MSH3: variants seen among roughly 807,000 people sequenced by gnomAD.
MSH3 encodes mutS homolog 3, also known as DNA mismatch repair protein Msh3.
In MSH3, 106 loss-of-function variants were observed where a neutral mutation model predicts 123.3. That is an observed-to-expected ratio of 0.86 (90% confidence interval 0.73 to 1.01). The LOEUF (loss-of-function observed/expected upper bound fraction) is 1.01, where lower values mean the gene tolerates loss of function less well. Ranked by LOEUF, MSH3 falls within the 50% of genes least tolerant of loss-of-function variation. The pLI is 0.00. For missense variants in MSH3, 1,459 were observed against 1,347.6 expected, an observed-to-expected ratio of 1.08 and a Z score of -1.29; for synonymous variants, 515 against 481.4, an observed-to-expected ratio of 1.07 and a Z score of -0.91.
chr5:80,678,239 A>G (rs1373264852), intron 7 of MSH3, among the ~76,000 whole-genome samples: 37 of 152,300 alleles, frequency 2.4e-4, no homozygotes, highest in Middle Eastern at 3.4e-3. Flanking sequence ...ACTCTACTCC[A>G]TTGTCACTCT....
intron 6 of MSH3, among the ~76,000 whole-genome samples, chr5:80,674,523 G>A (rs1561437851): frequency 6.6e-6 from 1 of 152,112 alleles, no homozygotes; most frequent in Non-Finnish European, 1.5e-5. Context: ...TGATGAAGTG[G>A]GTTGATATTT....
intron 12 of MSH3, among the ~76,000 whole-genome samples, chr5:80,753,807 C>T (rs245011): frequency 0.35 from 52,701 of 151,892 alleles, 9,324 homozygotes; most frequent in East Asian, 0.59. Flanking sequence ...TAGCTTCCAA[C>T]GTCATCTTGA....
chr5:80,815,385 A>G (rs1745082107), intron 20 of MSH3, among the ~76,000 whole-genome samples: 1 of 151,996 alleles, frequency 6.6e-6, no homozygotes, highest in Non-Finnish European at 1.5e-5. Context: ...AAAAAAAAAG[A>G]GAAAAAAGAA....
chr5:80,737,120 C>T (rs1580594559), intron 10 of MSH3, among the ~76,000 whole-genome samples: 1 of 152,236 alleles, frequency 6.6e-6, no homozygotes, highest in East Asian at 1.9e-4. Context: ...GAATCTACAA[C>T]CCTGAAGTTT....
rs7736456 is a variant in MSH3, at chr5:80,856,565, G to C, written c.3000+2249G>C. ...GGGGCCTGTTGTGGGGTGGGGGGAGGGGGGAGGGATAGCATTAGGAGATAT... is the reference window on the plus strand; with the variant it reads ...GGGGCCTGTTGTGGGGTGGGGGGAGCGGGGAGGGATAGCATTAGGAGATAT... On this transcript the variant is annotated intron_variant, in intron 21 of 23. Coordinates refer to ENST00000265081, the MANE Select transcript of MSH3 (RefSeq NM_002439.5). 2.9e-5 allele frequency among the ~76,000 whole-genome samples: 3 copies of C among 103,878 alleles called. 1 individual carries two copies. The highest frequency in any genetic ancestry group is 1.1e-4 in the African/African-American group (3 of 26,806). The allele number at this position is 103,878 out of a possible 152,430, so 68.1% of individuals were successfully genotyped here.
chr5:80,862,630 C>G (rs1328740905), intron 21 of MSH3, among the ~76,000 whole-genome samples: 4 of 151,904 alleles, frequency 2.6e-5, no homozygotes, highest in Non-Finnish European at 5.9e-5. Flanking sequence ...CATAGTGGTG[C>G]ACACCTGTAG....
chr5:80,788,422 G>A (rs546182785), intron 18 of MSH3, among the ~76,000 whole-genome samples: 3 of 152,078 alleles, frequency 2.0e-5, no homozygotes, highest in African/African-American at 7.2e-5. Context: ...GCCTGGGCAA[G>A]AGAGTGAGAC....
chr5:80,662,907 T>G (rs560951904), intron 2 of MSH3, among the ~76,000 whole-genome samples: 9 of 152,044 alleles, frequency 5.9e-5, no homozygotes, highest in Non-Finnish European at 1.2e-4. Flanking sequence ...TTGGTATGTT[T>G]GAAGCACAAA....
At chr5:80,712,050 C>G (rs1750869910) in intron 8 of MSH3, among the ~76,000 whole-genome samples, 1 of 152,148 alleles carries the variant, frequency 6.6e-6, no homozygotes, top group South Asian at 2.1e-4. Flanking sequence ...AGGCTGGAAT[C>G]AGGCATGGCT....
intron 8 of MSH3, among the ~76,000 whole-genome samples, chr5:80,691,725 CAA>C (rs1300705038): frequency 6.7e-6 from 1 of 148,292 alleles, no homozygotes; most frequent in Non-Finnish European, 1.5e-5. Flanking sequence ...TATCAAAACT[CAA>C]AACTTACATA....
intron 20 of MSH3, among the ~76,000 whole-genome samples, chr5:80,849,809 A>G (rs1301923117): frequency 6.6e-6 from 1 of 151,986 alleles, no homozygotes; most frequent in South Asian, 2.1e-4. Flanking sequence ...CATTTTCCCC[A>G]TTGTCTTGGG....
At chr5:80,832,020 G>T (rs1456476991) in intron 20 of MSH3, among the ~76,000 whole-genome samples, 1 of 152,196 alleles carries the variant, frequency 6.6e-6, no homozygotes, top group East Asian at 1.9e-4. Context: ...TGAGGCAGGA[G>T]AATGGCGTGA....
chr5:80,707,130 A>G (rs1011254291), intron 8 of MSH3, among the ~76,000 whole-genome samples: 2 of 152,262 alleles, frequency 1.3e-5, no homozygotes, highest in African/African-American at 4.8e-5. Context: ...GAGTCAGTAC[A>G]GTGCATACTT....
At chr5:80,818,940 G>A (rs978545927) in intron 20 of MSH3, among the ~76,000 whole-genome samples, 2 of 152,140 alleles carry the variant, frequency 1.3e-5, no homozygotes, top group African/African-American at 2.4e-5. Context: ...AAGATCCCTC[G>A]TGTAGGATAG....
intron 11 of MSH3, among the ~76,000 whole-genome samples, chr5:80,742,845 T>C (rs955205254): frequency 6.6e-6 from 1 of 152,208 alleles, no homozygotes; most frequent in African/African-American, 2.4e-5. Context: ...CAGCCAGCCC[T>C]GGCATTGTAA....
At chr5:80,769,570 AAGGAAGAAGT>A (rs1483587911) in intron 15 of MSH3, among the ~76,000 whole-genome samples, 2 of 152,104 alleles carry the variant, frequency 1.3e-5, no homozygotes, top group African/African-American at 4.8e-5. Flanking sequence ...AGAACCAGAA[AAGGAAGAAGT>A]ATGCCTTTTA....
chr5:80,772,930 T>C (rs1241557018), intron 15 of MSH3, among the ~76,000 whole-genome samples: 1 of 152,190 alleles, frequency 6.6e-6, no homozygotes, highest in Non-Finnish European at 1.5e-5. Context: ...GTTTAACTTG[T>C]GCCTTCCTGA....
rs191909547 is a variant in MSH3, at chr5:80,741,801, A to G, written c.1653+253A>G. On this transcript the variant is annotated intron_variant, in intron 11 of 23. Coordinates refer to ENST00000265081, the MANE Select transcript of MSH3 (RefSeq NM_002439.5). The stretch of plus-strand genomic sequence containing the variant: ...TTATCCTGACAATTTCTGTAACATC[A>G]TTTCTATATCATGTAGTTTTTTGGA... Among the ~76,000 whole-genome samples, 581 of 148,232 alleles carry G rather than the reference A, an allele frequency of 3.9e-3. 4 individuals carry two copies. Among genetic ancestry groups the G allele is most frequent in the African/African-American group, 0.013 (542 of 40,890 alleles).
intron 8 of MSH3, among the ~76,000 whole-genome samples, chr5:80,705,115 T>C (rs2112840700): frequency 6.6e-6 from 1 of 152,364 alleles, no homozygotes; most frequent in Admixed American, 6.5e-5. Context: ...TCATTAAATA[T>C]TACCTCCTGT....
Sources: gnomAD v4.1 joint callset for allele counts (sites outside exome capture counted in the v4.1 genomes callset) on GRCh38, gnomAD v4.1.1 for gene constraint, MANE v1.5 for transcripts, NCBI Gene and HGNC (gene_info 2026-07-23, HGNC 2026-07-21) for gene names.